NRG1: variants seen among roughly 807,000 people sequenced by gnomAD.
The protein encoded by NRG1 is neuregulin 1.
In NRG1, 18 loss-of-function variants were observed where a neutral mutation model predicts 63.8. The observed-to-expected ratio is 0.28, with a 90% confidence interval of 0.19 to 0.42. The LOEUF (loss-of-function observed/expected upper bound fraction) is 0.42, where lower values mean the gene tolerates loss of function less well. NRG1 is among the 10% of genes least tolerant of loss of function. The pLI is 1.00. For missense variants in NRG1, 762 were observed against 814.7 expected (o/e 0.94, Z 0.79); for synonymous variants, 302 against 301.3 (o/e 1.00, Z -0.02).
intron 1 of NRG1, among the ~76,000 whole-genome samples, chr8:32,104,665 T>C (rs1219876395): frequency 1.3e-5 from 2 of 152,070 alleles, no homozygotes; most frequent in Non-Finnish European, 2.9e-5. Context: ...CAAACTTTTT[T>C]GAATTTTTAA....
chr8:32,067,400 C>G (rs1001109095), intron 1 of NRG1, among the ~76,000 whole-genome samples: 1 of 152,026 alleles, frequency 6.6e-6, no homozygotes, highest in African/African-American at 2.4e-5. Flanking sequence ...TAGCATGAAG[C>G]GTTGTTGAAG....
intron 1 of NRG1, among the ~76,000 whole-genome samples, chr8:32,076,922 A>G (rs1189480214): frequency 6.6e-6 from 1 of 152,188 alleles, no homozygotes. Flanking sequence ...TAGATATAAA[A>G]AGTCCTAAAG....
intron 1 of NRG1, among the ~76,000 whole-genome samples, chr8:31,989,538 T>G (rs982344523): frequency 1.3e-5 from 2 of 152,014 alleles, no homozygotes; most frequent in African/African-American, 2.4e-5. Context: ...CCTCAAGTAC[T>G]TCCTTTAACC....
At chr8:32,747,505 G>A (rs958345513) in intron 7 of NRG1, among the ~76,000 whole-genome samples, 4 of 152,002 alleles carry the variant, frequency 2.6e-5, no homozygotes, top group African/African-American at 7.2e-5. Context: ...TTGCACGGAG[G>A]CAAGAGAAAT....
At chr8:31,704,067 T>G (rs1810887241) in intron 1 of NRG1, among the ~76,000 whole-genome samples, 1 of 152,212 alleles carries the variant, frequency 6.6e-6, no homozygotes. Flanking sequence ...ACCAATCCAA[T>G]GAGTTTCCTT....
rs188058518 is a variant in NRG1, at chr8:31,695,035, A to G, written c.37+55604A>G. 4.1e-3 allele frequency among the ~76,000 whole-genome samples: 625 copies of G among 152,334 alleles called. 2 individuals are homozygous for G. Among genetic ancestry groups the G allele is most frequent in the South Asian group, 0.027 (128 of 4,828 alleles). On this transcript the variant is annotated intron_variant, in intron 1 of 10. Transcript: ENST00000519301. ...AGGTTTAATTGACTCACAGTTCTGCAGGCTGTACAGGAAGCATGGTTGGGG... is the reference window on the plus strand; with the variant it reads ...AGGTTTAATTGACTCACAGTTCTGCGGGCTGTACAGGAAGCATGGTTGGGG...
At chr8:32,693,813 C>T (rs972893851) in intron 5 of NRG1, among the ~76,000 whole-genome samples, 4 of 152,122 alleles carry the variant, frequency 2.6e-5, no homozygotes, top group Non-Finnish European at 4.4e-5. Flanking sequence ...GGAGATATGA[C>T]CCCATAAACA....
intron 1 of NRG1, among the ~76,000 whole-genome samples, chr8:32,038,066 G>A (rs1819359406): frequency 6.6e-6 from 1 of 152,210 alleles, no homozygotes; most frequent in East Asian, 1.9e-4. Flanking sequence ...CCAAGTGGTC[G>A]CCCACCTGAG....
chr8:32,529,491 A>AT (rs979164920), intron 1 of NRG1, among the ~76,000 whole-genome samples: 2 of 152,166 alleles, frequency 1.3e-5, no homozygotes, highest in Non-Finnish European at 2.9e-5. Context: ...ATAAACTTGT[A>AT]TTTTTTAAAC....
intron 1 of NRG1, among the ~76,000 whole-genome samples, chr8:32,117,255 T>G (rs2131515073): frequency 1.3e-5 from 2 of 152,264 alleles, no homozygotes; most frequent in Middle Eastern, 3.4e-3. Flanking sequence ...CAAAGGGAGA[T>G]ATGTAGTTGT....
chr8:32,510,451 G>T (rs1829043852), intron 1 of NRG1, among the ~76,000 whole-genome samples: 1 of 152,088 alleles, frequency 6.6e-6, no homozygotes, highest in Non-Finnish European at 1.5e-5. Context: ...ACAAGTACCT[G>T]CAGAGAGAAG....
chr8:31,677,693 C>T (rs1416712612), intron 1 of NRG1, among the ~76,000 whole-genome samples: 1 of 152,150 alleles, frequency 6.6e-6, no homozygotes, highest in Non-Finnish European at 1.5e-5. Flanking sequence ...GCAGCCAGTC[C>T]TTGGGCTATT....
intron 1 of NRG1, among the ~76,000 whole-genome samples, chr8:31,674,601 C>T (rs909804512): frequency 4.6e-5 from 7 of 151,844 alleles, no homozygotes; most frequent in Admixed American, 2.6e-4. Context: ...AATACTCATG[C>T]CTTCTTGAGG....
At chr8:32,023,220 C>T (rs1262748104) in intron 1 of NRG1, among the ~76,000 whole-genome samples, 1 of 152,160 alleles carries the variant, frequency 6.6e-6, no homozygotes, top group Non-Finnish European at 1.5e-5. Flanking sequence ...CCTTCAAATT[C>T]CTTCTGAATC....
chr8:32,011,833 CT>C (rs1285099838), intron 1 of NRG1, among the ~76,000 whole-genome samples: 2 of 152,042 alleles, frequency 1.3e-5, no homozygotes, highest in Non-Finnish European at 2.9e-5. Flanking sequence ...TTAAACGAGA[CT>C]TTTTCACTAT....
intron 1 of NRG1, among the ~76,000 whole-genome samples, chr8:32,390,633 A>T (rs1431566124): frequency 6.6e-6 from 1 of 151,564 alleles, no homozygotes; most frequent in African/African-American, 2.4e-5. Context: ...GAAGAAGAAG[A>T]AAAGAAAAAC....
chr8:32,502,190 G>A, intron 1 of NRG1, among the ~76,000 whole-genome samples: 1 of 151,974 alleles, frequency 6.6e-6, no homozygotes, highest in Non-Finnish European at 1.5e-5. Flanking sequence ...CATGGCAGAA[G>A]GTGAAGGTGG....
chr8:32,032,301 T>A (rs1053076077), intron 1 of NRG1, among the ~76,000 whole-genome samples: 1 of 152,142 alleles, frequency 6.6e-6, no homozygotes, highest in African/African-American at 2.4e-5. Flanking sequence ...CACAGTGTCG[T>A]TCAGGCTGGA....
intron 1 of NRG1, among the ~76,000 whole-genome samples, chr8:32,367,686 G>A (rs1462808716): frequency 1.3e-5 from 2 of 151,914 alleles, no homozygotes; most frequent in African/African-American, 4.8e-5. Context: ...AGTTTAATAT[G>A]GTCCCATTTG....
Sources: allele counts gnomAD v4.1 joint callset (sites outside exome capture counted in the v4.1 genomes callset), GRCh38; gene constraint gnomAD v4.1.1; transcripts MANE v1.5; gene names NCBI Gene and HGNC (gene_info 2026-07-23, HGNC 2026-07-21).